Variants in THBS2 observed in about 807,000 individuals in gnomAD.
The protein encoded by THBS2 is thrombospondin 2.
Under a neutral mutation model 135.2 loss-of-function variants are expected in THBS2, and 47 were observed. The ratio of observed to expected loss-of-function variants is 0.35; its 90% CI spans 0.28 to 0.44. THBS2 has a LOEUF of 0.44. THBS2 is among the 20% of genes least tolerant of loss of function. The pLI is 1.00. For synonymous variants in THBS2, 639 were observed against 633.8 expected (o/e 1.01, Z -0.12); for missense variants, 1,288 against 1,603.1 (o/e 0.80, Z 3.36).
At chr6:169,251,178 C>T (rs1457354307) in intron 1 of THBS2, among the ~76,000 whole-genome samples, 2 of 152,098 alleles carry the variant, frequency 1.3e-5, no homozygotes, top group South Asian at 2.1e-4. Flanking sequence ...TCATACGACT[C>T]GTAGACAGGA....
chr6:169,252,837 T>A lies in THBS2; in HGVS notation c.-23+887A>T, dbSNP rs1780799918. ...GTCTGCAGCAGAATGTAGTTTGAAT[T>A]TGCAAAGGTCTTTTAAAACTCTTTT... On this transcript the variant is annotated intron_variant, in intron 1 of 21. Coordinates refer to ENST00000617924, the MANE Select transcript of THBS2 (RefSeq NM_003247.5). This position sits in a 1 kb window ranked among gnomAD's most constrained non-coding sequence, Gnocchi z 4.3. 1.3e-5 allele frequency among the ~76,000 whole-genome samples: 2 copies of A among 152,214 alleles called. No individual in the cohort carries two copies. The highest frequency in any genetic ancestry group is 4.8e-5 in the African/African-American group (2 of 41,450).
Position 169,248,836 on chromosome 6 carries a change from G to A in THBS2, c.190C>T (p.Pro64Ser), listed in dbSNP as rs1342289147. 6.2e-7 allele frequency: 1 copy of A among 1,611,078 alleles called. No homozygotes were observed. Among genetic ancestry groups the A allele is most frequent in the East Asian group, 2.2e-5 (1 of 44,836 alleles). Residue 64 changes from proline to serine, a missense_variant, in exon 3 of 22, where the codon CCA becomes TCA. Physicochemically the swap from Pro to Ser is moderately conservative, Grantham distance 74 (BLOSUM62 -1). Transcript: ENST00000617924. ...AYRFVRFDYI[P>S]PVNADDLSKI... The stretch of plus-strand genomic sequence containing the variant: ...CTGAGGTCATCTGCGTTCACCGGTG[G>A]GATGTAGTCAAAGCGCACGAAGCGG...
chr6:169,247,229 G>A (rs1290131652), intron 3 of THBS2, among the ~76,000 whole-genome samples: 1 of 152,194 alleles, frequency 6.6e-6, no homozygotes. Flanking sequence ...TCGTGGTTTA[G>A]AAAGGCGTGC....
At position 169,216,700 on chromosome 6, in the gene THBS2, A is replaced by AT. The variant is rs1487913547; in HGVS notation, c.*1121dup. On this transcript the variant is annotated 3_prime_UTR_variant, in exon 22 of 22. Transcript: ENST00000617924. Reference sequence around the variant, plus strand: ...ACAACCTAATATTATCAAGCCTCATATTTTCACAGGATTATATACTTATTA... The same window carrying AT: ...ACAACCTAATATTATCAAGCCTCATATTTTTCACAGGATTATATACTTATTA... The AT allele has an allele frequency of 6.6e-6, 1 of 152,134 alleles. No individual in the cohort carries two copies. Among genetic ancestry groups the AT allele is most frequent in the Non-Finnish European group, 1.5e-5 (1 of 68,032 alleles). The allele number at this position is 152,134 out of a possible 1,614,324, so 9.4% of individuals were successfully genotyped here. A position where few individuals can be genotyped will look rare whatever the true frequency, so the allele number is the denominator to read the frequency against.
At chr6:169,236,077 C>T (rs1780042431) in intron 9 of THBS2, among the ~76,000 whole-genome samples, 1 of 129,614 alleles carries the variant, frequency 7.7e-6, no homozygotes, top group African/African-American at 3.1e-5. Context: ...CACTCACCAT[C>T]CACACTCACT....
rs1206046613 is a variant in THBS2 at position 169,220,192 on chromosome 6, A to G, written c.3511+6T>C. 1 of 1,612,874 alleles carries G rather than the reference A, an allele frequency of 6.2e-7. No homozygotes were observed. The highest frequency in any genetic ancestry group is 8.5e-7 in the Non-Finnish European group (1 of 1,179,458). ...TTCCCCACTAACCTGAAGTGCTCACACTCACCTCTGCATTCGTACTTGAGG... is the reference window on the plus strand; with the variant it reads ...TTCCCCACTAACCTGAAGTGCTCACGCTCACCTCTGCATTCGTACTTGAGG... On this transcript the variant is annotated splice_donor_region_variant and intron_variant, in intron 21 of 21. Transcript: ENST00000617924.
chr6:169,225,071 C>A, intron 17 of THBS2, 74 bp downstream of exon 17: 1 of 1,394,214 alleles, frequency 7.2e-7, no homozygotes. Flanking sequence ...GATCTCCGTG[C>A]ATACATATCT....
At chr6:169,235,561 T>C (rs1195448256) in intron 9 of THBS2, among the ~76,000 whole-genome samples, 1 of 151,988 alleles carries the variant, frequency 6.6e-6, no homozygotes, top group East Asian at 1.9e-4. Context: ...AAGCGCTCTG[T>C]AACTCACACC....
chr6:169,236,732 C>T (rs556852836), intron 9 of THBS2, among the ~76,000 whole-genome samples: 4 of 149,982 alleles, frequency 2.7e-5, no homozygotes, highest in African/African-American at 4.9e-5. Context: ...CCCATCCACA[C>T]TCATTCCCCA....
intron 13 of THBS2, among the ~76,000 whole-genome samples, chr6:169,230,105 CAAAGA>C (rs370154210): frequency 6.8e-4 from 103 of 152,292 alleles, no homozygotes; most frequent in African/African-American, 2.3e-3. Flanking sequence ...CAAAAAATCT[CAAAGA>C]AAAGAGTCTT....
rs552136187 is a variant in THBS2, at chr6:169,250,676, G to A, written c.52+57C>T. ...ACTTTATTTTGTCATCTCTCCCCTT[G>A]CAGCTAAGCCATATCTCACAAGCCA... On this transcript the variant is annotated intron_variant, in intron 2 of 21. Coordinates refer to ENST00000617924, the MANE Select transcript of THBS2 (RefSeq NM_003247.5). 2.0e-6 allele frequency: 3 copies of A among 1,507,020 alleles called. No homozygotes were observed. The East Asian group carries it at 7.0e-5, about 35-fold the overall frequency. 93.4% of individuals were successfully genotyped at this position (1,507,020 alleles called of 1,614,324 possible).
At chr6:169,221,223 G>A (rs912119700) in intron 20 of THBS2, among the ~76,000 whole-genome samples, 1 of 152,202 alleles carries the variant, frequency 6.6e-6, no homozygotes, top group Non-Finnish European at 1.5e-5. Flanking sequence ...AAAGCAGATT[G>A]TATATTCTCC....
intron 21 of THBS2, among the ~76,000 whole-genome samples, chr6:169,218,836 T>C (rs967467592): frequency 7.0e-6 from 1 of 143,882 alleles, no homozygotes; most frequent in African/African-American, 2.6e-5. Flanking sequence ...CTGAGATGGA[T>C]GGATGGATGG....
chr6:169,249,303 C>T (rs1780677946), intron 2 of THBS2, among the ~76,000 whole-genome samples: 1 of 152,180 alleles, frequency 6.6e-6, no homozygotes, highest in Non-Finnish European at 1.5e-5. Context: ...TGGCCCTTTG[C>T]ATAGCCCGAC....
chr6:169,232,052 C>T lies in THBS2; in HGVS notation c.2079G>A (p.Glu693=), dbSNP rs2114994519. The change falls in exon 13 of 22, where the codon GAG becomes GAA. Residue 693 remains glutamate (E), a synonymous_variant. Coordinates refer to ENST00000617924, the MANE Select transcript of THBS2 (RefSeq NM_003247.5). ...GYAGDGLICG[E]DSDLDGWPNL... is the part of the protein sequence containing the mutation. ...TGGGCCAGCCGTCCAGGTCCGAGTC[C>T]TCCCCGCAGATGAGCCCGTCGCCCG... 6.2e-7 allele frequency: 1 copy of T among 1,614,100 alleles called. No individual in the cohort carries two copies. Among genetic ancestry groups the T allele is most frequent in the Non-Finnish European group, 8.5e-7 (1 of 1,179,986 alleles).
intron 20 of THBS2, 142 bp from the exon 21 acceptor site, chr6:169,220,479 G>C (rs1207682809): frequency 1.8e-6 from 2 of 1,082,586 alleles, no homozygotes; most frequent in Non-Finnish European, 2.6e-6. Context: ...GGGCATTGCT[G>C]GCTTTCTCCT....
chr6:169,222,074 T>G, intron 19 of THBS2, 123 bp downstream of exon 19: 1 of 1,152,416 alleles, frequency 8.7e-7, no homozygotes, highest in Non-Finnish European at 1.2e-6. Flanking sequence ...TTAAAATAAC[T>G]GTGCCTGGAG....
intron 9 of THBS2, among the ~76,000 whole-genome samples, chr6:169,235,452 G>A (rs1779998796): frequency 6.6e-6 from 1 of 151,988 alleles, no homozygotes; most frequent in Non-Finnish European, 1.5e-5. Context: ...TGAGGCGTGA[G>A]CACAGCTGAA....
intron 13 of THBS2, 64 bp downstream of exon 13, chr6:169,231,916 C>T: frequency 6.4e-7 from 1 of 1,572,030 alleles, no homozygotes; most frequent in Non-Finnish European, 8.7e-7. Flanking sequence ...CGCGTAGCGT[C>T]CCCGGCGCCA....
Sources: allele counts gnomAD v4.1 joint callset (sites outside exome capture counted in the v4.1 genomes callset), GRCh38; gene constraint gnomAD v4.1.1; non-coding constraint Gnocchi (gnomAD v3.1); transcripts MANE v1.5; gene names NCBI Gene and HGNC (gene_info 2026-07-23, HGNC 2026-07-21).